Variants in THSD7A observed in about 807,000 individuals in gnomAD.
THSD7A encodes the protein thrombospondin type 1 domain containing 7A.
A neutral mutation model predicts 231.3 loss-of-function variants in THSD7A; 96 were observed. The observed-to-expected ratio is 0.41, with a 90% CI of 0.35 to 0.49. THSD7A has a LOEUF of 0.49. Among genes scored for constraint, THSD7A ranks in the 20% least tolerant of loss-of-function variants. The pLI is 0.05. For missense variants in THSD7A, 2,290 were observed against 2,070.2 expected (o/e 1.11, Z -2.06); for synonymous variants, 940 against 743.3 (o/e 1.26, Z -4.30).
At chr7:11,734,368 A>G (rs1781836866) in intron 1 of THSD7A, among the ~76,000 whole-genome samples, 1 of 151,972 alleles carries the variant, frequency 6.6e-6, no homozygotes, top group South Asian at 2.1e-4. Flanking sequence ...TACTGGTACA[A>G]AATTAAATAT....
At chr7:11,752,361 A>C (rs1429035389) in intron 1 of THSD7A, among the ~76,000 whole-genome samples, 2 of 151,964 alleles carry the variant, frequency 1.3e-5, no homozygotes, top group Admixed American at 1.3e-4. Flanking sequence ...GTGCACCCCC[A>C]CATTTTTCTT....
At chr7:11,464,529 G>C (rs1028104680) in intron 9 of THSD7A, among the ~76,000 whole-genome samples, 4 of 152,052 alleles carry the variant, frequency 2.6e-5, no homozygotes, top group Admixed American at 2.0e-4. Context: ...TTTGTTTGTT[G>C]ATTTGAAAGA....
At position 11,447,412 on chromosome 7, in the gene THSD7A, C is replaced by T. The variant is rs373283536; in HGVS notation, c.2618G>A (p.Arg873His). Reference protein sequence around the residue: ...PGRQARAITCRKQDGGQAGIH... With the variant: ...PGRQARAITCHKQDGGQAGIH... Reference sequence around the variant, plus strand: ...TCCAGCCTGTCCTCCATCTTGCTTGCGACAAGTAATGGCTAAAAGAAAAGC... The same window carrying T: ...TCCAGCCTGTCCTCCATCTTGCTTGTGACAAGTAATGGCTAAAAGAAAAGC... Residue 873 changes from arginine to histidine, a missense_variant, in exon 12 of 28, where the codon CGC becomes CAC. Arg to His is a conservative substitution (Grantham distance 29). Coordinates refer to ENST00000423059, the MANE Select transcript of THSD7A (RefSeq NM_015204.3). The T allele has an allele frequency of 6.3e-5, 99 of 1,563,512 alleles. No individual in the cohort carries two copies. Among genetic ancestry groups the T allele is most frequent in the East Asian group, 7.0e-5 (3 of 43,080 alleles).
At chr7:11,481,148 T>A (rs1160150248) in intron 7 of THSD7A, among the ~76,000 whole-genome samples, 3 of 152,170 alleles carry the variant, frequency 2.0e-5, no homozygotes, top group Non-Finnish European at 4.4e-5. Context: ...AAGAGCCTTG[T>A]ATTTCTTGGC....
intron 6 of THSD7A, among the ~76,000 whole-genome samples, chr7:11,505,727 T>G (rs1424567025): frequency 6.6e-6 from 1 of 152,120 alleles, no homozygotes; most frequent in Non-Finnish European, 1.5e-5. Flanking sequence ...TTATGGCAAA[T>G]TTTACATGCT....
At chr7:11,764,492 A>C (rs1188052983) in intron 1 of THSD7A, among the ~76,000 whole-genome samples, 1 of 151,530 alleles carries the variant, frequency 6.6e-6, no homozygotes, top group Non-Finnish European at 1.5e-5. Context: ...GAGGCAGGAG[A>C]ATAATGTGAA....
At chr7:11,587,864 T>G (rs1779978203) in intron 4 of THSD7A, among the ~76,000 whole-genome samples, 2 of 152,200 alleles carry the variant, frequency 1.3e-5, no homozygotes, top group African/African-American at 4.8e-5. Flanking sequence ...CAGTATTTTT[T>G]TGTACTAATA....
intron 6 of THSD7A, among the ~76,000 whole-genome samples, chr7:11,482,729 G>T (rs1387881991): frequency 1.3e-5 from 2 of 152,094 alleles, no homozygotes; most frequent in Admixed American, 6.5e-5. Context: ...AAATGACCTC[G>T]CTGTGTTTCT....
At chr7:11,403,161 T>C (rs1321374225) in intron 22 of THSD7A, among the ~76,000 whole-genome samples, 1 of 152,202 alleles carries the variant, frequency 6.6e-6, no homozygotes. Context: ...TTCTTATCAC[T>C]TATTTATTAT....
intron 4 of THSD7A, among the ~76,000 whole-genome samples, chr7:11,557,162 CAT>C (rs997177616): frequency 2.6e-5 from 4 of 151,938 alleles, no homozygotes; most frequent in Non-Finnish European, 5.9e-5. Flanking sequence ...TTTCTTCCCT[CAT>C]ATTTTTTTCT....
chr7:11,499,143 C>G (rs1427073169), intron 6 of THSD7A, among the ~76,000 whole-genome samples: 1 of 152,212 alleles, frequency 6.6e-6, no homozygotes, highest in Non-Finnish European at 1.5e-5. Flanking sequence ...CTCCAACAAG[C>G]TGCAGTTGAC....
intron 4 of THSD7A, among the ~76,000 whole-genome samples, chr7:11,564,469 T>G (rs10255378): frequency 0.58 from 87,891 of 151,758 alleles, 25,641 homozygotes; most frequent in Middle Eastern, 0.68. Context: ...TCTTCACTCT[T>G]CCAAGCTAGG....
rs1208251953 is a variant in THSD7A, at chr7:11,374,318, T to G, written c.*1476A>C. On this transcript the variant is annotated 3_prime_UTR_variant, in exon 28 of 28. Coordinates refer to ENST00000423059, the MANE Select transcript of THSD7A (RefSeq NM_015204.3). Reference sequence around the variant, plus strand: ...TCTATATAGTCCTTTACAGAAAAAGTTTGCCACTCTTGCTCTAGATATGCA... The same window carrying G: ...TCTATATAGTCCTTTACAGAAAAAGGTTGCCACTCTTGCTCTAGATATGCA... The G allele has an allele frequency of 1.3e-5, 2 of 152,114 alleles. No individual in the cohort carries two copies. Among genetic ancestry groups the G allele is most frequent in the Admixed American group, 6.6e-5 (1 of 15,246 alleles). The allele number at this position is 152,114 out of a possible 1,614,324, so 9.4% of individuals were successfully genotyped here.
chr7:11,676,946 C>G (rs1226587927), intron 1 of THSD7A, among the ~76,000 whole-genome samples: 1 of 152,038 alleles, frequency 6.6e-6, no homozygotes, highest in Non-Finnish European at 1.5e-5. Context: ...TCGAGAAAAA[C>G]AACCCCAAGA....
At chr7:11,688,154 T>C (rs879722591) in intron 1 of THSD7A, among the ~76,000 whole-genome samples, 7 of 145,096 alleles carry the variant, frequency 4.8e-5, no homozygotes, top group Non-Finnish European at 1.0e-4. Context: ...AGTGAGAACA[T>C]GCGGTGGTTT....
intron 27 of THSD7A, among the ~76,000 whole-genome samples, chr7:11,376,322 C>A (rs959918260): frequency 6.6e-6 from 1 of 152,008 alleles, no homozygotes; most frequent in East Asian, 1.9e-4. Context: ...GAGTACAAAG[C>A]AATATTTTCT....
intron 1 of THSD7A, among the ~76,000 whole-genome samples, chr7:11,796,925 A>G (rs530703837): frequency 2.0e-5 from 3 of 152,236 alleles, no homozygotes; most frequent in East Asian, 1.9e-4. Flanking sequence ...AATTTCCGCT[A>G]AAGTATTTAA....
At chr7:11,734,580 C>A (rs535153971) in intron 1 of THSD7A, among the ~76,000 whole-genome samples, 1 of 151,904 alleles carries the variant, frequency 6.6e-6, no homozygotes, top group Non-Finnish European at 1.5e-5. Flanking sequence ...TATTTTCCAA[C>A]CTGACATGTC....
chr7:11,744,512 T>C (rs1374453418), intron 1 of THSD7A, among the ~76,000 whole-genome samples: 2 of 151,960 alleles, frequency 1.3e-5, no homozygotes, highest in African/African-American at 4.8e-5. Context: ...TACATATGTA[T>C]ACATGTGCCA....
Sources: allele counts gnomAD v4.1 joint callset (sites outside exome capture counted in the v4.1 genomes callset), GRCh38; gene constraint gnomAD v4.1.1; transcripts MANE v1.5; gene names NCBI Gene and HGNC (gene_info 2026-07-23, HGNC 2026-07-21).